DLK1: variants seen among roughly 807,000 people sequenced by gnomAD.
DLK1 encodes the protein delta like non-canonical Notch ligand 1, also known as protein delta homolog 1.
In DLK1, 9 loss-of-function variants were observed where a neutral mutation model predicts 35.2. That is an observed-to-expected ratio of 0.26 (90% confidence interval 0.15 to 0.45). The LOEUF (loss-of-function observed/expected upper bound fraction) is 0.45. Ranked by LOEUF, DLK1 falls within the 20% of genes least tolerant of loss-of-function variation. The pLI is 1.00. For missense variants in DLK1, 522 were observed against 528.5 expected (o/e 0.99, Z 0.12); for synonymous variants, 231 against 228.4 (o/e 1.01, Z -0.10).
Position 100,735,212 on chromosome 14 carries a change from G to C in DLK1, c.*316G>C. On this transcript the variant is annotated 3_prime_UTR_variant, in exon 5 of 5. Transcript: ENST00000341267. Reference sequence around the variant, plus strand: ...AAAAAAAAACAAGGCAACAGAACCAGGGCTCAGTGCCGACGCCCCTACCCT... The same window carrying C: ...AAAAAAAAACAAGGCAACAGAACCACGGCTCAGTGCCGACGCCCCTACCCT... 4.0e-6 allele frequency: 1 copy of C among 248,096 alleles called. No individual in the cohort carries two copies. The highest frequency in any genetic ancestry group is 8.6e-5 in the East Asian group (1 of 11,664). The allele number at this position is 248,096 out of a possible 1,614,324, so 15.4% of individuals were successfully genotyped here.
chr14:100,728,608 G>A (rs1265232106), intron 2 of DLK1, 149 bp downstream of exon 2: 1 of 278,088 alleles, frequency 3.6e-6, no homozygotes, highest in Non-Finnish European at 7.0e-6. Context: ...GGGGCGAGCT[G>A]GGGAGATGGG....
intron 4 of DLK1, among the ~76,000 whole-genome samples, chr14:100,733,777 G>A (rs1239111160): frequency 6.6e-6 from 1 of 152,180 alleles, no homozygotes; most frequent in African/African-American, 2.4e-5. Flanking sequence ...TTCCCCAGTT[G>A]GCTAGTGACT....
At position 100,727,141 on chromosome 14, in the gene DLK1, T is replaced by C. The variant is rs1337488698; in HGVS notation, c.67+6T>C. 1 of 1,575,180 alleles carries C rather than the reference T, an allele frequency of 6.3e-7. No individual in the cohort carries two copies. Among genetic ancestry groups the C allele is most frequent in the Non-Finnish European group, 8.6e-7 (1 of 1,160,502 alleles). On this transcript the variant is annotated splice_donor_region_variant and intron_variant, in intron 1 of 4. Coordinates refer to ENST00000341267, the MANE Select transcript of DLK1 (RefSeq NM_003836.7). ...TTTCGGCCACAGCACCTATGGTGAG[T>C]TCCCCGGCGGCCCGGCTCGCGCCCC...
At chr14:100,729,573 G>C (rs1476385379) in intron 3 of DLK1, among the ~76,000 whole-genome samples, 1 of 152,040 alleles carries the variant, frequency 6.6e-6, no homozygotes, top group African/African-American at 2.4e-5. Context: ...GGAGGACAGG[G>C]CTGGGGGGCC....
At position 100,736,824 on chromosome 14, in the gene DLK1, A is replaced by G. The variant is rs1462505681; in HGVS notation, c.*1928A>G. 4.6e-5 allele frequency: 5 copies of G among 107,704 alleles called. No individual in the cohort carries two copies. Among genetic ancestry groups the G allele is most frequent in the East Asian group, 3.0e-4 (1 of 3,376 alleles). 6.7% of individuals were successfully genotyped at this position (107,704 alleles called of 1,614,324 possible). A position where few individuals can be genotyped will look rare whatever the true frequency, so the allele number is the denominator to read the frequency against. The stretch of plus-strand genomic sequence containing the variant: ...AAACCCTGTCACCCCACCGACCACC[A>G]TCATCACTGGCAAGCCCCTTCCCCT... On this transcript the variant is annotated 3_prime_UTR_variant, in exon 5 of 5. Coordinates refer to ENST00000341267, the MANE Select transcript of DLK1 (RefSeq NM_003836.7).
At position 100,728,388 on chromosome 14, in the gene DLK1, T is replaced by C; in HGVS notation, c.68-8T>C. 6.2e-7 allele frequency: 1 copy of C among 1,613,102 alleles called. No homozygotes were observed. On this transcript the variant is annotated splice_polypyrimidine_tract_variant and splice_region_variant and intron_variant, in intron 1 of 4. Transcript: ENST00000341267. Reference sequence around the variant, plus strand: ...GGGGTGAATTGTATAACCTTTCTTGTACCTCAGGGGCTGAATGCTTCCCGG... The same window carrying C: ...GGGGTGAATTGTATAACCTTTCTTGCACCTCAGGGGCTGAATGCTTCCCGG...
At chr14:100,730,708 G>A (rs1338579846) in intron 3 of DLK1, among the ~76,000 whole-genome samples, 3 of 152,200 alleles carry the variant, frequency 2.0e-5, no homozygotes, top group South Asian at 2.1e-4. Context: ...CAGGAGAGTC[G>A]GGTGCAGAGA....
At chr14:100,728,526 A>G in intron 2 of DLK1, 67 bp downstream of exon 2, 2 of 1,553,484 alleles carry the variant, frequency 1.3e-6, no homozygotes, top group East Asian at 2.4e-5. Context: ...TCGTGAAGTC[A>G]GGCAGAAAAA....
rs757280551 is a variant in DLK1 at position 100,727,032 on chromosome 14, G to A, written c.-37G>A. 4 of 1,539,700 alleles carry A rather than the reference G, an allele frequency of 2.6e-6. No homozygotes were observed. Among genetic ancestry groups the A allele is most frequent in the African/African-American group, 1.4e-5 (1 of 70,088 alleles). ...GGCGCCAGGAGCCGGACCCGCGCCC[G>A]CACCGCTCCCGGGACCGCGACCCCG... is the stretch of plus-strand genomic sequence containing the variant. On this transcript the variant is annotated 5_prime_UTR_variant, in exon 1 of 5. Coordinates refer to ENST00000341267, the MANE Select transcript of DLK1 (RefSeq NM_003836.7).
rs1331751890 is a variant in DLK1, at chr14:100,734,708, G to A, written c.964G>A (p.Val322Met). The change falls in exon 5 of 5, where the codon GTG becomes ATG. Residue 322 changes from valine (V) to methionine (M), a missense_variant. Val to Met is a conservative substitution (Grantham distance 21, BLOSUM62 1). Transcript: ENST00000341267. This position sits in a 1 kb window ranked among gnomAD's most constrained non-coding sequence, Gnocchi z 7.4. Reference protein sequence around the residue: ...VLTSLVVLGTVGIVFLNKCET... With the variant: ...VLTSLVVLGTMGIVFLNKCET... ...CACCAGCCTGGTGGTGCTGGGCACT[G>A]TGGGTATCGTCTTCCTCAACAAGTG... 2 of 1,614,124 alleles carry A rather than the reference G, an allele frequency of 1.2e-6. No individual in the cohort carries two copies. The highest frequency in any genetic ancestry group is 1.1e-5 in the South Asian group (1 of 91,080).
chr14:100,727,835 G>GT (rs1567020163), intron 1 of DLK1, among the ~76,000 whole-genome samples: 1 of 152,098 alleles, frequency 6.6e-6, no homozygotes, highest in Admixed American at 6.5e-5. Context: ...TGTCGTCATC[G>GT]TTTTTTTAAT....
At chr14:100,727,475 G>A (rs1170437464) in intron 1 of DLK1, among the ~76,000 whole-genome samples, 1 of 152,216 alleles carries the variant, frequency 6.6e-6, no homozygotes, top group Non-Finnish European at 1.5e-5. Context: ...TGCAACTTTG[G>A]GGTGTCCCTG....
At position 100,729,932 on chromosome 14, in the gene DLK1, C is replaced by T. The variant is rs117182230; in HGVS notation, c.262+866C>T. ...AGGATCAGAGAAGCACAAGTGTCTG[C>T]TAAGGAATATGAAAGAAGTTGGGCA... On this transcript the variant is annotated intron_variant, in intron 3 of 4. Transcript: ENST00000341267. Among the ~76,000 whole-genome samples the T allele has an allele frequency of 4.5e-3, 691 of 152,320 alleles. 10 individuals carry two copies. In the East Asian group the frequency reaches 0.051, roughly 11 times the overall value.
Position 100,734,573 on chromosome 14 carries a change from G to A in DLK1, c.829G>A (p.Val277Met). Reference sequence around the variant, plus strand: ...GACCCCTGGGGTGCACGAGCTGCCGGTGCAGCAGCCGGAGCACCGCATCCT... The same window carrying A: ...GACCCCTGGGGTGCACGAGCTGCCGATGCAGCAGCCGGAGCACCGCATCCT... ...RLTPGVHELP[V>M]QQPEHRILKV... The change falls in exon 5 of 5, where the codon GTG becomes ATG. Residue 277 changes from valine to methionine, a missense_variant. Coordinates refer to ENST00000341267, the MANE Select transcript of DLK1 (RefSeq NM_003836.7). This position sits in a 1 kb window ranked among gnomAD's most constrained non-coding sequence, Gnocchi z 7.4. 6.2e-7 allele frequency: 1 copy of A among 1,613,622 alleles called. No individual in the cohort carries two copies. Among genetic ancestry groups the A allele is most frequent in the South Asian group, 1.1e-5 (1 of 91,082 alleles).
At chr14:100,733,020 G>C (rs1253624090) in intron 4 of DLK1, among the ~76,000 whole-genome samples, 1 of 152,212 alleles carries the variant, frequency 6.6e-6, no homozygotes, top group Non-Finnish European at 1.5e-5. Flanking sequence ...GGACATCGCA[G>C]GGTGGCACAG....
chr14:100,727,606 G>C (rs2036451619), intron 1 of DLK1, among the ~76,000 whole-genome samples: 1 of 152,058 alleles, frequency 6.6e-6, no homozygotes, highest in Non-Finnish European at 1.5e-5. Context: ...TGTAGGTGAG[G>C]GGCTGCGACA....
intron 3 of DLK1, among the ~76,000 whole-genome samples, chr14:100,731,213 C>T (rs2139861079): frequency 6.6e-6 from 1 of 152,312 alleles, no homozygotes; most frequent in East Asian, 1.9e-4. Flanking sequence ...CCTGGCCCCA[C>T]TGGGGAGCTG....
At chr14:100,731,984 G>A (rs572700519) in intron 3 of DLK1, 58 bp from the exon 4 acceptor site, 3 of 1,544,524 alleles carry the variant, frequency 1.9e-6, no homozygotes, top group Admixed American at 1.9e-5. Flanking sequence ...ACTGGGGCCC[G>A]CATCACGCTC....
Position 100,727,105 on chromosome 14 carries a change from C to T in DLK1, c.37C>T (p.Leu13Phe). 2 of 1,594,378 alleles carry T rather than the reference C, an allele frequency of 1.3e-6. No individual in the cohort carries two copies. Among genetic ancestry groups the T allele is most frequent in the African/African-American group, 1.4e-5 (1 of 72,794 alleles). Residue 13 changes from leucine (L) to phenylalanine (F), a missense_variant, in exon 1 of 5, where the codon CTC becomes TTC. Leu to Phe is a conservative substitution (Grantham distance 22). Coordinates refer to ENST00000341267, the MANE Select transcript of DLK1 (RefSeq NM_003836.7). ...ATEALLRVLLLLLAFGHSTYG... is the reference protein window; with the variant it reads ...ATEALLRVLLFLLAFGHSTYG... ...CGAAGCCCTCCTGCGCGTCCTCTTG[C>T]TCCTGCTGGCTTTCGGCCACAGCAC...
Sources: allele counts gnomAD v4.1 joint callset (sites outside exome capture counted in the v4.1 genomes callset), GRCh38; gene constraint gnomAD v4.1.1; non-coding constraint Gnocchi (gnomAD v3.1); transcripts MANE v1.5; gene names NCBI Gene and HGNC (gene_info 2026-07-23, HGNC 2026-07-21).